The following IRF2 variants were observed in gnomAD, a reference collection of about 807,000 sequenced individuals.
IRF2 encodes the protein interferon regulatory factor 2.
A neutral mutation model predicts 40.6 loss-of-function variants in IRF2; 15 were observed. The ratio of observed to expected loss-of-function variants is 0.37; its 90% CI spans 0.25 to 0.57. IRF2 has a LOEUF of 0.57. Among genes scored for constraint, IRF2 ranks in the 20% least tolerant of loss-of-function variants. The pLI, the probability that IRF2 is intolerant of heterozygous loss-of-function variation, is 0.77. For missense variants in IRF2, 317 were observed against 455.7 expected (o/e 0.70, Z 2.77); for synonymous variants, 151 against 165.5 (o/e 0.91, Z 0.67).
chr4:184,427,098 C>T (rs1208531293), intron 2 of IRF2, among the ~76,000 whole-genome samples: 3 of 152,224 alleles, frequency 2.0e-5, no homozygotes, highest in Admixed American at 6.5e-5. Context: ...GTCCCCCCTT[C>T]CTTATACCTC....
At chr4:184,426,694 C>T (rs1324380845) in intron 2 of IRF2, among the ~76,000 whole-genome samples, 4 of 152,314 alleles carry the variant, frequency 2.6e-5, no homozygotes, top group South Asian at 4.1e-4. Flanking sequence ...ACATATCAGG[C>T]ACCTGCTCAA....
intron 1 of IRF2, among the ~76,000 whole-genome samples, chr4:184,453,756 C>T (rs1404190046): frequency 6.6e-6 from 1 of 152,178 alleles, no homozygotes; most frequent in East Asian, 1.9e-4. Context: ...AGGAGCGTGG[C>T]AGAAACGGCA....
In IRF2 at chr4:184,472,939, C is replaced by A. The variant is rs575323257; in HGVS notation, c.-7+1440G>T. Among the ~76,000 whole-genome samples, 8 of 152,316 alleles carry A rather than the reference C, an allele frequency of 5.3e-5. No homozygotes were observed. In the South Asian group the frequency reaches 1.7e-3, roughly 32 times the overall value. ...AAGGAGGAGAGGGTGGCAAACGCAC[C>A]CAGACCGGGGGCCAAGGGGAGACGC... On this transcript the variant is annotated intron_variant, in intron 1 of 8. Transcript: ENST00000393593.
At chr4:184,414,881 G>C (rs1737208540) in intron 5 of IRF2, among the ~76,000 whole-genome samples, 1 of 152,240 alleles carries the variant, frequency 6.6e-6, no homozygotes, top group Admixed American at 6.5e-5. Flanking sequence ...CTCAGTAGAA[G>C]AAACCTACGT....
chr4:184,409,408 A>G (rs944110522), intron 5 of IRF2, among the ~76,000 whole-genome samples: 1 of 152,108 alleles, frequency 6.6e-6, no homozygotes, highest in Non-Finnish European at 1.5e-5. Flanking sequence ...CCTTAATAAC[A>G]TGACTTCAAA....
chr4:184,453,829 A>G (rs1401156082), intron 1 of IRF2, among the ~76,000 whole-genome samples: 3 of 152,200 alleles, frequency 2.0e-5, no homozygotes, highest in Non-Finnish European at 4.4e-5. Context: ...TTTGAGCTCC[A>G]CAGACCTCAA....
rs1448262971 is a variant in IRF2 at position 184,390,695 on chromosome 4, T to C, written c.741+8A>G. Reference sequence around the variant, plus strand: ...GCAGCATCGTGGGCAGGCTGGGCAGTGGCTTACCTCGGCACTCTCTTCATC... The same window carrying C: ...GCAGCATCGTGGGCAGGCTGGGCAGCGGCTTACCTCGGCACTCTCTTCATC... On this transcript the variant is annotated splice_region_variant and intron_variant, in intron 8 of 8. Transcript: ENST00000393593. The C allele has an allele frequency of 6.2e-7, 1 of 1,614,206 alleles. No individual in the cohort carries two copies. The highest frequency in any genetic ancestry group is 1.7e-5 in the Admixed American group (1 of 60,034).
At chr4:184,430,359 G>A (rs886650708) in intron 1 of IRF2, among the ~76,000 whole-genome samples, 6 of 149,100 alleles carry the variant, frequency 4.0e-5, no homozygotes, top group Non-Finnish European at 7.5e-5. Flanking sequence ...CTGCAGTCTG[G>A]CCCACTGACT....
At chr4:184,399,544 G>T (rs1022398761) in intron 6 of IRF2, among the ~76,000 whole-genome samples, 19 of 152,198 alleles carry the variant, frequency 1.2e-4, no homozygotes, top group Admixed American at 1.1e-3. Flanking sequence ...TACTAAAGAG[G>T]AAGGGCCATG....
chr4:184,428,868 C>A, intron 2 of IRF2, 110 bp downstream of exon 2: 1 of 894,228 alleles, frequency 1.1e-6, no homozygotes, highest in South Asian at 1.3e-5. Flanking sequence ...TGGTTTTTGT[C>A]ATGAATAAGC....
chr4:184,392,870 C>G (rs1736307112), intron 7 of IRF2, among the ~76,000 whole-genome samples: 1 of 152,086 alleles, frequency 6.6e-6, no homozygotes, highest in Non-Finnish European at 1.5e-5. Flanking sequence ...ATGCAGAAGA[C>G]AGATCTCTCC....
At chr4:184,400,686 T>C (rs1444019515) in intron 6 of IRF2, among the ~76,000 whole-genome samples, 3 of 152,214 alleles carry the variant, frequency 2.0e-5, no homozygotes, top group African/African-American at 7.2e-5. Flanking sequence ...ACCAGCAGTG[T>C]CTGAGTGATC....
At chr4:184,472,345 A>C (rs1040418148) in intron 1 of IRF2, 2 of 152,324 alleles carry the variant, frequency 1.3e-5, no homozygotes, top group African/African-American at 2.4e-5. Flanking sequence ...CATCAAGACT[A>C]TCCACCGCCT....
chr4:184,468,597 C>T (rs922499770), intron 1 of IRF2, among the ~76,000 whole-genome samples: 2 of 152,150 alleles, frequency 1.3e-5, no homozygotes, highest in African/African-American at 4.8e-5. Flanking sequence ...ACCACAGGCC[C>T]CTGTCCGAAG....
Position 184,408,409 on chromosome 4 carries a change from C to T in IRF2, c.412-134G>A, listed in dbSNP as rs566807047. On this transcript the variant is annotated intron_variant, in intron 5 of 8. Transcript: ENST00000393593. The surrounding 1 kb of genome is among the most constrained non-coding windows in gnomAD (Gnocchi z 4.9). ...TTCAGCTGCCGAATACATTCATCCC[C>T]TGCTTCTTTAAACTGGCCTGTTTTA... The T allele has an allele frequency of 4.4e-6, 3 of 679,306 alleles. No homozygotes were observed. The highest frequency in any genetic ancestry group is 3.6e-5 in the African/African-American group (2 of 55,604). 42.1% of individuals were successfully genotyped at this position (679,306 alleles called of 1,614,324 possible).
chr4:184,465,523 C>G (rs1302782066), intron 1 of IRF2, among the ~76,000 whole-genome samples: 1 of 151,988 alleles, frequency 6.6e-6, no homozygotes, highest in East Asian at 1.9e-4. Flanking sequence ...ATTTCACCAT[C>G]AAAAAGATAT....
chr4:184,450,966 C>CGAA (rs1224089805), intron 1 of IRF2, among the ~76,000 whole-genome samples: 1 of 151,988 alleles, frequency 6.6e-6, no homozygotes, highest in Admixed American at 6.6e-5. Flanking sequence ...TGGTGCAAAC[C>CGAA]GAAAAGACTA....
At chr4:184,390,791 C>T in intron 7 of IRF2, 42 bp from the exon 8 acceptor site, 1 of 1,606,372 alleles carries the variant, frequency 6.2e-7, no homozygotes, top group Non-Finnish European at 8.5e-7. Context: ...ATTCCTGTCC[C>T]TCAAGCTGTC....
intron 5 of IRF2, among the ~76,000 whole-genome samples, chr4:184,412,796 A>G (rs537056907): frequency 6.6e-6 from 1 of 152,078 alleles, no homozygotes; most frequent in South Asian, 2.1e-4. Context: ...TTTTTCCCTT[A>G]GCTCACTTTT....
Sources: gnomAD v4.1 joint callset for allele counts (sites outside exome capture counted in the v4.1 genomes callset) on GRCh38, gnomAD v4.1.1 for gene constraint, Gnocchi (gnomAD v3.1) non-coding constraint, MANE v1.5 for transcripts, NCBI Gene and HGNC (gene_info 2026-07-23, HGNC 2026-07-21) for gene names.